HERC1: variants seen among roughly 807,000 people sequenced by gnomAD.
HERC1 encodes probable E3 ubiquitin-protein ligase HERC1.
A neutral mutation model predicts 554.3 loss-of-function variants in HERC1; 160 were observed. That is an observed-to-expected ratio of 0.29 (90% confidence interval 0.25 to 0.33). The LOEUF (loss-of-function observed/expected upper bound fraction) is 0.33, where lower values mean the gene tolerates loss of function less well. Among genes scored for constraint, HERC1 ranks in the 10% least tolerant of loss-of-function variants. HERC1 has a pLI of 1.00. For missense variants in HERC1, 4,919 were observed against 5,918.5 expected, an observed-to-expected ratio of 0.83 and a Z score of 5.54; for synonymous variants, 2,175 against 2,131.7, an observed-to-expected ratio of 1.02 and a Z score of -0.56.
chr15:63,727,583 G>T lies in HERC1; in HGVS notation c.3346+64C>A. On this transcript the variant is annotated intron_variant, in intron 17 of 77. Coordinates refer to ENST00000443617, the MANE Select transcript of HERC1 (RefSeq NM_003922.4). This position sits in a 1 kb window ranked among gnomAD's most constrained non-coding sequence, Gnocchi z 4.3. The stretch of plus-strand genomic sequence containing the variant: ...ATAGACTCCAATGGAAAAACACAGT[G>T]ATGTGTGCAAGAGGAACAACTTTTC... The T allele has an allele frequency of 8.7e-7, 1 of 1,144,670 alleles. No individual in the cohort carries two copies. Among genetic ancestry groups the T allele is most frequent in the Non-Finnish European group, 1.3e-6 (1 of 793,476 alleles). The allele number at this position is 1,144,670 out of a possible 1,614,324, so 70.9% of individuals were successfully genotyped here. A position where few individuals can be genotyped will look rare whatever the true frequency, so the allele number is the denominator to read the frequency against.
intron 1 of HERC1, among the ~76,000 whole-genome samples, chr15:63,825,308 A>C (rs1283889099): frequency 6.6e-6 from 1 of 152,190 alleles, no homozygotes; most frequent in East Asian, 1.9e-4. Flanking sequence ...CAAAAAATAA[A>C]TAAAGTTAGC....
At chr15:63,724,089 T>G (rs1379933758) in intron 18 of HERC1, among the ~76,000 whole-genome samples, 1 of 152,238 alleles carries the variant, frequency 6.6e-6, no homozygotes, top group East Asian at 1.9e-4. Flanking sequence ...TTTAATAGTT[T>G]CATGATTTTA....
chr15:63,700,193 C>G (rs1427740124), intron 25 of HERC1, among the ~76,000 whole-genome samples: 1 of 151,970 alleles, frequency 6.6e-6, no homozygotes, highest in Non-Finnish European at 1.5e-5. Flanking sequence ...TTTTATATCA[C>G]CTTTTTGGAC....
At chr15:63,809,753 G>T (rs1291890605) in intron 1 of HERC1, among the ~76,000 whole-genome samples, 2 of 141,484 alleles carry the variant, frequency 1.4e-5, no homozygotes, top group African/African-American at 5.3e-5. Context: ...TTTAAACTAA[G>T]AAATATCCTA....
At chr15:63,697,824 T>C (rs1385723830) in intron 26 of HERC1, among the ~76,000 whole-genome samples, 1 of 152,128 alleles carries the variant, frequency 6.6e-6, no homozygotes, top group East Asian at 1.9e-4. Flanking sequence ...TTTATCTCCT[T>C]CCTATAGCCT....
intron 3 of HERC1, among the ~76,000 whole-genome samples, chr15:63,760,554 G>A (rs1296327341): frequency 6.6e-6 from 1 of 151,326 alleles, no homozygotes; most frequent in Non-Finnish European, 1.5e-5. Context: ...TTTTGGAACT[G>A]AAGACTAAAC....
At chr15:63,724,917 G>C (rs1159018710) in intron 18 of HERC1, among the ~76,000 whole-genome samples, 1 of 152,136 alleles carries the variant, frequency 6.6e-6, no homozygotes, top group East Asian at 1.9e-4. Context: ...CACATCTCAG[G>C]GGTGCTGCAC....
intron 68 of HERC1, among the ~76,000 whole-genome samples, chr15:63,631,579 G>A (rs1046120274): frequency 1.3e-5 from 2 of 151,686 alleles, no homozygotes; most frequent in Non-Finnish European, 2.9e-5. Context: ...CGCTCTTGTC[G>A]CCCAGGCTGG....
At chr15:63,748,691 T>A (rs1385636439) in intron 10 of HERC1, among the ~76,000 whole-genome samples, 1 of 152,180 alleles carries the variant, frequency 6.6e-6, no homozygotes, top group South Asian at 2.1e-4. Flanking sequence ...GAATAACTAT[T>A]GATAAATATT....
chr15:63,616,760 C>T lies in HERC1; in HGVS notation c.13689-78G>A, dbSNP rs2067835658. 22 of 1,288,738 alleles carry T rather than the reference C, an allele frequency of 1.7e-5. No homozygotes were observed. In the South Asian group the frequency reaches 1.8e-4, roughly 11 times the overall value. 79.8% of individuals were successfully genotyped at this position (1,288,738 alleles called of 1,614,324 possible). On this transcript the variant is annotated intron_variant, in intron 74 of 77. Transcript: ENST00000443617. ...AATAAGTTAGCAACAACAGCTATAG[C>T]GTTAGTCTATACCTGTACTGTTCAA...
chr15:63,734,635 A>G lies in HERC1; in HGVS notation c.2646+89T>C. ...ACCCATCAAGTACTTATGCTCCAAG[A>G]ACACATGGCAATTTATTAGTTTTAT... On this transcript the variant is annotated intron_variant, in intron 13 of 77. Coordinates refer to ENST00000443617, the MANE Select transcript of HERC1 (RefSeq NM_003922.4). This position sits in a 1 kb window ranked among gnomAD's most constrained non-coding sequence, Gnocchi z 4.6. 8.8e-7 allele frequency: 1 copy of G among 1,140,566 alleles called. No homozygotes were observed. The highest frequency in any genetic ancestry group is 1.2e-6 in the Non-Finnish European group (1 of 819,866). 70.7% of individuals were successfully genotyped at this position (1,140,566 alleles called of 1,614,324 possible).
At chr15:63,713,317 G>T in intron 23 of HERC1, 36 bp downstream of exon 23, 2 of 1,532,862 alleles carry the variant, frequency 1.3e-6, no homozygotes, top group Non-Finnish European at 1.8e-6. Context: ...AAAGGGAAGT[G>T]AGTAGGTCAT....
Position 63,732,952 on chromosome 15 carries a change from G to T in HERC1, c.2840C>A (p.Thr947Asn), listed in dbSNP as rs750660049. ...ATAAAATCCTAAATTTCTTAAGAGG[G>T]TCTTCATCAAAATTTCAGCCAGGTG... is the stretch of plus-strand genomic sequence containing the variant. ...DTHLAEILMK[T>N]LLRNLGFYTD... The change falls in exon 14 of 78, where the codon ACC becomes AAC. Residue 947 changes from threonine (T) to asparagine (N), a missense_variant. Coordinates refer to ENST00000443617, the MANE Select transcript of HERC1 (RefSeq NM_003922.4). 5.0e-6 allele frequency: 8 copies of T among 1,612,668 alleles called. No homozygotes were observed. The East Asian group carries it at 8.9e-5, about 18-fold the overall frequency.
intron 1 of HERC1, among the ~76,000 whole-genome samples, chr15:63,811,581 G>A (rs1203545015): frequency 2.6e-5 from 4 of 151,926 alleles, no homozygotes; most frequent in South Asian, 2.1e-4. Flanking sequence ...CGGCCGAGAC[G>A]GGCAGATCAC....
At chr15:63,733,247 T>C (rs1407740852) in intron 13 of HERC1, 102 bp from the exon 14 acceptor site, 10 of 713,116 alleles carry the variant, frequency 1.4e-5, no homozygotes, top group Non-Finnish European at 2.5e-6. Context: ...CTTACTAGCT[T>C]AATAAATAAT....
At chr15:63,813,227 T>G (rs1399899449) in intron 1 of HERC1, among the ~76,000 whole-genome samples, 1 of 151,978 alleles carries the variant, frequency 6.6e-6, no homozygotes, top group Non-Finnish European at 1.5e-5. Flanking sequence ...TCTCAAGAAT[T>G]GACTTCAAGT....
Position 63,649,808 on chromosome 15 carries a change from A to G in HERC1, c.10664T>C (p.Met3555Thr), listed in dbSNP as rs989950956. 3.7e-6 allele frequency: 6 copies of G among 1,613,686 alleles called. No individual in the cohort carries two copies. The highest frequency in any genetic ancestry group is 1.1e-5 in the South Asian group (1 of 90,962). The change falls in exon 54 of 78, where the codon ATG becomes ACG. Residue 3555 changes from methionine to threonine, a missense_variant. By Grantham distance (81) the Met-to-Thr change is moderately conservative (BLOSUM62 -1). This residue lies in a region of HERC1 where 1,963 missense variants were observed against 2,228.6 expected (regional missense o/e 0.88). Transcript: ENST00000443617. The stretch of plus-strand genomic sequence containing the variant: ...TTCAATCAGTCCCAGAGATCCATCC[A>G]TCCGTCCCACCAACAACAATTCTGG... Reference protein sequence around the residue: ...ESPELLLVGRMDGSLGLIEVV... With the variant: ...ESPELLLVGRTDGSLGLIEVV...
chr15:63,645,161 A>G, intron 56 of HERC1, 64 bp from the exon 57 acceptor site: 2 of 1,142,902 alleles, frequency 1.7e-6, no homozygotes, highest in East Asian at 4.7e-5. Context: ...AATATTTCCG[A>G]ATTGCAATCA....
chr15:63,707,630 C>T (rs528352156), intron 24 of HERC1, among the ~76,000 whole-genome samples: 10 of 152,004 alleles, frequency 6.6e-5, no homozygotes, highest in Non-Finnish European at 1.2e-4. Context: ...AAAGAAGGCC[C>T]GGAAGTGACA....
Sources: allele counts gnomAD v4.1 joint callset (sites outside exome capture counted in the v4.1 genomes callset), GRCh38; gene constraint gnomAD v4.1.1; regional missense constraint gnomAD v4.1.1; non-coding constraint Gnocchi (gnomAD v3.1); transcripts MANE v1.5; gene names NCBI Gene and HGNC (gene_info 2026-07-23, HGNC 2026-07-21).